The following CHL1 variants were observed in gnomAD, a reference collection of about 807,000 sequenced individuals.
The protein encoded by CHL1 is neural cell adhesion molecule L1-like protein.
In CHL1, 96 loss-of-function variants were observed where a neutral mutation model predicts 141.9. The ratio of observed to expected loss-of-function variants is 0.68; its 90% CI spans 0.57 to 0.80. The LOEUF (loss-of-function observed/expected upper bound fraction) is 0.80. Ranked by LOEUF, CHL1 falls within the 30% of genes least tolerant of loss-of-function variation. CHL1 has a pLI of 0.00. For missense variants in CHL1, 1,820 were observed against 1,457.2 expected, an observed-to-expected ratio of 1.25 and a Z score of -4.05; for synonymous variants, 613 against 502.2, an observed-to-expected ratio of 1.22 and a Z score of -2.95.
chr3:326,717 GAATTCCCAATATTA>G (rs1365585523), intron 4 of CHL1, among the ~76,000 whole-genome samples: 1 of 151,758 alleles, frequency 6.6e-6, no homozygotes, highest in Non-Finnish European at 1.5e-5. Context: ...GCTGTGGGAA[GAATTCCCAATATTA>G]AAACTCTACG....
chr3:373,758 T>G (rs1308898160), intron 15 of CHL1: 1 of 152,262 alleles, frequency 6.6e-6, no homozygotes, highest in African/African-American at 2.4e-5. Context: ...GTGAGTGGGG[T>G]CTTCCAATCC....
At chr3:336,367 GT>G (rs1471826255) in intron 5 of CHL1, among the ~76,000 whole-genome samples, 1 of 152,014 alleles carries the variant, frequency 6.6e-6, no homozygotes, top group Non-Finnish European at 1.5e-5. Context: ...GTGTTTTTTG[GT>G]TTTTGTTTTT....
intron 2 of CHL1, among the ~76,000 whole-genome samples, chr3:281,355 G>T (rs1696636771): frequency 6.6e-6 from 1 of 152,082 alleles, no homozygotes; most frequent in African/African-American, 2.4e-5. Context: ...ACATCCAAGT[G>T]CTTGGGTACT....
intron 1 of CHL1, among the ~76,000 whole-genome samples, chr3:218,283 T>G (rs1404099177): frequency 3.3e-5 from 5 of 152,238 alleles, no homozygotes; most frequent in African/African-American, 1.2e-4. Flanking sequence ...CAGAACCTGC[T>G]TATTAATTCT....
chr3:338,573 G>A (rs114309651), intron 5 of CHL1, among the ~76,000 whole-genome samples: 1,703 of 152,196 alleles, frequency 0.011, 32 homozygotes, highest in African/African-American at 0.039. Context: ...AATAGTTTCA[G>A]AGTCAAAGGA....
At chr3:270,075 G>T (rs1301944111) in intron 2 of CHL1, among the ~76,000 whole-genome samples, 2 of 152,104 alleles carry the variant, frequency 1.3e-5, no homozygotes, top group East Asian at 3.9e-4. Flanking sequence ...AAGAGACAAC[G>T]CTCTTTTATT....
intron 24 of CHL1, among the ~76,000 whole-genome samples, chr3:395,704 C>A (rs1021329632): frequency 2.6e-5 from 4 of 152,210 alleles, no homozygotes. Flanking sequence ...AAGTGTGGTG[C>A]AAAAGTAATT....
intron 15 of CHL1, 25 bp from the exon 16 acceptor site, chr3:377,793 C>A (rs748484185): frequency 2.5e-6 from 4 of 1,579,688 alleles, no homozygotes; most frequent in African/African-American, 1.4e-5. Context: ...TCCTTCTCAT[C>A]ATGTACTCAC....
chr3:359,147 C>T (rs144913667), intron 11 of CHL1, among the ~76,000 whole-genome samples: 1 of 151,792 alleles, frequency 6.6e-6, no homozygotes, highest in Non-Finnish European at 1.5e-5. Flanking sequence ...CATCCAACTT[C>T]TCTGTAATCC....
chr3:218,970 C>T (rs1424458131), intron 1 of CHL1, among the ~76,000 whole-genome samples: 1 of 151,966 alleles, frequency 6.6e-6, no homozygotes, highest in East Asian at 1.9e-4. Flanking sequence ...CACGGTGAAA[C>T]CCCGTCAGTA....
At chr3:243,612 C>T (rs571025486) in intron 1 of CHL1, among the ~76,000 whole-genome samples, 35 of 152,206 alleles carry the variant, frequency 2.3e-4, no homozygotes, top group African/African-American at 8.2e-4. Flanking sequence ...AGGTTCTCTC[C>T]GGAGGCATTG....
chr3:404,542 A>G (rs1359715943), intron 27 of CHL1, among the ~76,000 whole-genome samples: 2 of 152,190 alleles, frequency 1.3e-5, no homozygotes, highest in African/African-American at 4.8e-5. Context: ...GTTCATGAAT[A>G]AAACACCTAC....
intron 2 of CHL1, among the ~76,000 whole-genome samples, chr3:266,551 A>G (rs1264579048): frequency 6.6e-6 from 1 of 152,176 alleles, no homozygotes; most frequent in Non-Finnish European, 1.5e-5. Flanking sequence ...CTCTTCTGTG[A>G]AAACGTGAAG....
intron 1 of CHL1, among the ~76,000 whole-genome samples, chr3:203,711 C>G (rs1385338206): frequency 6.6e-6 from 1 of 152,216 alleles, no homozygotes; most frequent in Non-Finnish European, 1.5e-5. Context: ...GGTAGAGGAA[C>G]ATAACTACTG....
Position 390,728 on chromosome 3 carries a change from G to C in CHL1, c.2498G>C (p.Gly833Ala). The change falls in exon 21 of 28, where the codon GGG becomes GCG. Residue 833 changes from glycine to alanine, a missense_variant. Physicochemically the swap from Gly to Ala is moderately conservative, Grantham distance 60 (BLOSUM62 0). Transcript: ENST00000256509. ...DYPDTAPVIH[G>A]VDVINSTLVK... ...CCTGATACAGCTCCAGTGATCCATG[G>C]GGTGGACGTTATAAACAGTACATTA... 1 of 1,604,950 alleles carries C rather than the reference G, an allele frequency of 6.2e-7. No homozygotes were observed. Among genetic ancestry groups the C allele is most frequent in the Non-Finnish European group, 8.5e-7 (1 of 1,171,728 alleles).
chr3:344,368 A>T (rs1033751672), intron 8 of CHL1, among the ~76,000 whole-genome samples: 1 of 152,088 alleles, frequency 6.6e-6, no homozygotes, highest in Non-Finnish European at 1.5e-5. Flanking sequence ...AAAATTTTGC[A>T]GTGCTACGCT....
intron 15 of CHL1, chr3:376,398 C>T (rs750463308): frequency 1.9e-6 from 1 of 517,308 alleles, no homozygotes; most frequent in Non-Finnish European, 3.9e-6. Context: ...TGGACTGAGG[C>T]TGGAACACGA....
At chr3:370,410 G>T (rs1409950429) in intron 15 of CHL1, among the ~76,000 whole-genome samples, 1 of 151,920 alleles carries the variant, frequency 6.6e-6, no homozygotes, top group East Asian at 1.9e-4. Flanking sequence ...TTCTTTGATG[G>T]TAGTTTGCAT....
At chr3:208,830 A>G (rs950169044) in intron 1 of CHL1, among the ~76,000 whole-genome samples, 3 of 152,210 alleles carry the variant, frequency 2.0e-5, no homozygotes, top group Non-Finnish European at 4.4e-5. Context: ...ATAGTTTCTT[A>G]GTTAGTAATT....
Sources: gnomAD v4.1 joint callset for allele counts (sites outside exome capture counted in the v4.1 genomes callset) on GRCh38, gnomAD v4.1.1 for gene constraint, MANE v1.5 for transcripts, NCBI Gene and HGNC (gene_info 2026-07-23, HGNC 2026-07-21) for gene names.